TRAK1: variants seen among roughly 807,000 people sequenced by gnomAD.
TRAK1 encodes trafficking kinesin protein 1.
Under a neutral mutation model 92.1 loss-of-function variants are expected in TRAK1, and 33 were observed. The ratio of observed to expected loss-of-function variants is 0.36; its 90% CI spans 0.27 to 0.48. The LOEUF (loss-of-function observed/expected upper bound fraction) is 0.48. Ranked by LOEUF, TRAK1 falls within the 20% of genes least tolerant of loss-of-function variation. The pLI is 0.99. For synonymous variants in TRAK1, 521 were observed against 517.3 expected, an observed-to-expected ratio of 1.01 and a Z score of -0.10; for missense variants, 1,123 against 1,257.9, an observed-to-expected ratio of 0.89 and a Z score of 1.62.
At chr3:42,150,427 T>C (rs1264885402) in intron 2 of TRAK1, among the ~76,000 whole-genome samples, 1 of 152,144 alleles carries the variant, frequency 6.6e-6, no homozygotes, top group Non-Finnish European at 1.5e-5. Context: ...GTCTTTAATT[T>C]TGTCTTGAAA....
At chr3:42,192,500 C>CTAAG (rs1553755674) in intron 7 of TRAK1, among the ~76,000 whole-genome samples, 107 of 38,516 alleles carry the variant, frequency 2.8e-3, no homozygotes, top group African/African-American at 0.01. Flanking sequence ...CGTCAAAGTA[C>CTAAG]TATTTTGCAT....
chr3:42,193,299 A>G, intron 8 of TRAK1, 94 bp downstream of exon 8: 3 of 1,518,826 alleles, frequency 2.0e-6, no homozygotes, highest in Admixed American at 2.2e-5. Flanking sequence ...CTTTAGTTTC[A>G]TATCTTAGCA....
chr3:42,153,603 C>T (rs868361416), intron 2 of TRAK1, among the ~76,000 whole-genome samples: 14 of 152,150 alleles, frequency 9.2e-5, no homozygotes, highest in African/African-American at 3.1e-4. Flanking sequence ...GGTAGATTGT[C>T]GCAGAAGTTA....
At chr3:42,069,389 T>C (rs957412766) in intron 1 of TRAK1, among the ~76,000 whole-genome samples, 7 of 151,772 alleles carry the variant, frequency 4.6e-5, no homozygotes, top group South Asian at 2.1e-4. Context: ...CTCACTTAGC[T>C]GTCAACAGGG....
chr3:42,172,609 C>T (rs1336092746), intron 2 of TRAK1, among the ~76,000 whole-genome samples: 1 of 152,120 alleles, frequency 6.6e-6, no homozygotes, highest in African/African-American at 2.4e-5. Flanking sequence ...CCATTTAATT[C>T]CACCCTTCTT....
chr3:42,118,029 A>G (rs1185446409), intron 1 of TRAK1, among the ~76,000 whole-genome samples: 1 of 152,052 alleles, frequency 6.6e-6, no homozygotes, highest in Non-Finnish European at 1.5e-5. Flanking sequence ...CATGTTGGCC[A>G]AGATGGTCTC....
intron 1 of TRAK1, among the ~76,000 whole-genome samples, chr3:42,046,338 T>TA (rs11411603): frequency 0.33 from 47,920 of 143,112 alleles, 11,437 homozygotes; most frequent in African/African-American, 0.69. Flanking sequence ...AGAGAACATT[T>TA]AAAAAAAAAA....
intron 1 of TRAK1, among the ~76,000 whole-genome samples, chr3:42,118,487 C>T (rs1198945924): frequency 1.3e-5 from 2 of 152,230 alleles, no homozygotes. Flanking sequence ...TTGCCTCAGG[C>T]ACCTGGCAGG....
At chr3:42,032,660 G>T (rs755316507) in intron 1 of TRAK1, among the ~76,000 whole-genome samples, 1 of 152,136 alleles carries the variant, frequency 6.6e-6, no homozygotes, top group African/African-American at 2.4e-5. Context: ...TTTCCTCAGG[G>T]TTTCTTTTTG....
At chr3:42,021,475 G>A (rs1294959853) in intron 1 of TRAK1, among the ~76,000 whole-genome samples, 2 of 152,170 alleles carry the variant, frequency 1.3e-5, no homozygotes, top group Non-Finnish European at 2.9e-5. Context: ...TTGAAGCCAT[G>A]TTCTTTTTTC....
intron 2 of TRAK1, chr3:42,160,529 C>T: frequency 3.3e-6 from 5 of 1,505,884 alleles, no homozygotes; most frequent in South Asian, 1.2e-5. Flanking sequence ...TCTAAATAGG[C>T]TTGAATGTTT....
intron 6 of TRAK1, among the ~76,000 whole-genome samples, chr3:42,189,621 C>G (rs1705386971): frequency 1.3e-5 from 2 of 152,106 alleles, no homozygotes; most frequent in Admixed American, 1.3e-4. Context: ...ACCTTCGCCT[C>G]CCAGGTTCAA....
intron 1 of TRAK1, among the ~76,000 whole-genome samples, chr3:42,060,063 A>G (rs1280148146): frequency 2.0e-5 from 3 of 152,216 alleles, no homozygotes; most frequent in Non-Finnish European, 2.9e-5. Context: ...TTTTTTCCCA[A>G]TGATTCCAGA....
Position 42,173,214 on chromosome 3 carries a change from T to C in TRAK1, c.287-3600T>C, listed in dbSNP as rs149248382. Among the ~76,000 whole-genome samples, 4 of 152,308 alleles carry C rather than the reference T, an allele frequency of 2.6e-5. No homozygotes were observed. In the East Asian group the frequency reaches 7.7e-4, roughly 29 times the overall value. On this transcript the variant is annotated intron_variant, in intron 2 of 15. Coordinates refer to ENST00000327628, the MANE Select transcript of TRAK1 (RefSeq NM_001042646.3). ...CTTTATTTTGCTTTTCTTTCTTTTT[T>C]GAAACATCTTTTGGGTGGAAGTGGA...
At chr3:42,059,045 C>T (rs149367616) in intron 1 of TRAK1, among the ~76,000 whole-genome samples, 2 of 151,966 alleles carry the variant, frequency 1.3e-5, no homozygotes, top group East Asian at 3.9e-4. Flanking sequence ...TATATGTATA[C>T]ACACAAATAT....
chr3:42,137,880 A>G (rs1473940367), intron 2 of TRAK1, among the ~76,000 whole-genome samples: 1 of 151,944 alleles, frequency 6.6e-6, no homozygotes, highest in Non-Finnish European at 1.5e-5. Context: ...CTGCATTGGG[A>G]CTCGGTTTCT....
At chr3:42,132,108 C>T (rs1697282120) in intron 2 of TRAK1, among the ~76,000 whole-genome samples, 1 of 152,000 alleles carries the variant, frequency 6.6e-6, no homozygotes, top group Non-Finnish European at 1.5e-5. Flanking sequence ...GGAACCAGTC[C>T]CCTGCAGATA....
At chr3:42,191,530 G>T in intron 6 of TRAK1, 28 bp from the exon 7 acceptor site, 1 of 1,565,552 alleles carries the variant, frequency 6.4e-7, no homozygotes, top group South Asian at 1.2e-5. Flanking sequence ...TGAGAATGTG[G>T]GGCCTCTGAC....
At chr3:42,069,187 C>T (rs926172237) in intron 1 of TRAK1, among the ~76,000 whole-genome samples, 5 of 151,964 alleles carry the variant, frequency 3.3e-5, no homozygotes, top group Admixed American at 2.6e-4. Flanking sequence ...ACACAATTAG[C>T]TGGGCGTGGT....
Sources: gnomAD v4.1 joint callset for allele counts (sites outside exome capture counted in the v4.1 genomes callset) on GRCh38, gnomAD v4.1.1 for gene constraint, MANE v1.5 for transcripts, NCBI Gene and HGNC (gene_info 2026-07-23, HGNC 2026-07-21) for gene names.